TBC1D5: variants seen among roughly 807,000 people sequenced by gnomAD.
TBC1D5 encodes the protein TBC1 domain family member 5, also known as TBC1 domain family, member 5.
Under a neutral mutation model 100.3 loss-of-function variants are expected in TBC1D5, and 75 were observed. That is an observed-to-expected ratio of 0.75 (90% CI 0.62 to 0.91). TBC1D5 has a LOEUF of 0.91. Among genes scored for constraint, TBC1D5 ranks in the 40% least tolerant of loss-of-function variants. The pLI is 0.00. For missense variants in TBC1D5, 910 were observed against 942.4 expected (o/e 0.97, Z 0.45); for synonymous variants, 323 against 325.6 (o/e 0.99, Z 0.09).
intron 2 of TBC1D5, among the ~76,000 whole-genome samples, chr3:17,536,044 G>A (rs937382300): frequency 6.6e-6 from 1 of 152,114 alleles, no homozygotes; most frequent in African/African-American, 2.4e-5. Context: ...ACCACTAAAT[G>A]AAGATTTACT....
intron 3 of TBC1D5, among the ~76,000 whole-genome samples, chr3:17,489,056 GGT>G (rs1274967446): frequency 1.3e-5 from 2 of 151,398 alleles, no homozygotes; most frequent in Non-Finnish European, 2.9e-5. Context: ...GCCAGTCCCT[GGT>G]GCCAAAAACG....
chr3:17,682,228 C>T (rs1208669192), intron 1 of TBC1D5, among the ~76,000 whole-genome samples: 1 of 151,168 alleles, frequency 6.6e-6, no homozygotes, highest in Non-Finnish European at 1.5e-5. Context: ...AGGAGGACTG[C>T]TTGAGCCCAG....
At chr3:17,292,708 T>G (rs575757172) in intron 14 of TBC1D5, among the ~76,000 whole-genome samples, 24 of 152,308 alleles carry the variant, frequency 1.6e-4, no homozygotes, top group African/African-American at 3.4e-4. Context: ...CTTTACTTCT[T>G]GACAATCTTA....
At chr3:17,652,434 T>A (rs1270717272) in intron 1 of TBC1D5, among the ~76,000 whole-genome samples, 1 of 152,184 alleles carries the variant, frequency 6.6e-6, no homozygotes, top group Non-Finnish European at 1.5e-5. Context: ...AAACTGTTGT[T>A]CAGGTATTTA....
intron 15 of TBC1D5, among the ~76,000 whole-genome samples, chr3:17,265,769 C>T (rs1378969812): frequency 1.3e-5 from 2 of 151,960 alleles, no homozygotes; most frequent in African/African-American, 4.8e-5. Flanking sequence ...TGCCATGGCA[C>T]GCGTGAACTA....
At chr3:17,186,749 A>G (rs1236488898) in intron 18 of TBC1D5, among the ~76,000 whole-genome samples, 16 of 150,202 alleles carry the variant, frequency 1.1e-4, no homozygotes, top group South Asian at 4.2e-4. Flanking sequence ...AAAAAATTAA[A>G]AAAAGAAAAG....
intron 17 of TBC1D5, among the ~76,000 whole-genome samples, chr3:17,232,998 G>C (rs1054993081): frequency 6.6e-6 from 1 of 152,082 alleles, no homozygotes; most frequent in African/African-American, 2.4e-5. Context: ...CTAAAAGACT[G>C]CATAATAAAA....
intron 21 of TBC1D5, among the ~76,000 whole-genome samples, chr3:17,163,516 T>TAAGTC (rs2066293484): frequency 6.6e-6 from 1 of 152,202 alleles, no homozygotes; most frequent in African/African-American, 2.4e-5. Context: ...CCAATACAGG[T>TAAGTC]AAGTCTTACA....
intron 3 of TBC1D5, among the ~76,000 whole-genome samples, chr3:17,439,578 TAAAA>T (rs1464300482): frequency 2.0e-5 from 3 of 152,052 alleles, no homozygotes; most frequent in African/African-American, 7.2e-5. Context: ...TTCCTTCAAA[TAAAA>T]AAATTCCAAA....
intron 2 of TBC1D5, among the ~76,000 whole-genome samples, chr3:17,530,343 G>A (rs1560096033): frequency 6.6e-6 from 1 of 152,042 alleles, no homozygotes; most frequent in Non-Finnish European, 1.5e-5. Context: ...AATATCGATG[G>A]GGGGTTGGGG....
chr3:17,284,942 T>C (rs1349861379), intron 15 of TBC1D5, among the ~76,000 whole-genome samples: 2 of 151,834 alleles, frequency 1.3e-5, no homozygotes, highest in Non-Finnish European at 2.9e-5. Flanking sequence ...AAAGGAAATA[T>C]TAGTCACACA....
chr3:17,468,573 A>G, intron 3 of TBC1D5, among the ~76,000 whole-genome samples: 1 of 152,132 alleles, frequency 6.6e-6, no homozygotes, highest in Non-Finnish European at 1.5e-5. Context: ...TCCCTCTGTT[A>G]GAATGCAAGC....
chr3:17,537,253 G>A (rs2153409137), intron 2 of TBC1D5, among the ~76,000 whole-genome samples: 1 of 152,342 alleles, frequency 6.6e-6, no homozygotes, highest in East Asian at 1.9e-4. Flanking sequence ...AAAACCTAAT[G>A]AGAGATGTTA....
chr3:17,450,855 C>T (rs1460722043), intron 3 of TBC1D5, among the ~76,000 whole-genome samples: 1 of 152,136 alleles, frequency 6.6e-6, no homozygotes, highest in Non-Finnish European at 1.5e-5. Flanking sequence ...GCAAGACAGG[C>T]CAACATTCAA....
At chr3:17,718,727 ACT>A (rs1320786823) in intron 1 of TBC1D5, among the ~76,000 whole-genome samples, 2 of 152,102 alleles carry the variant, frequency 1.3e-5, no homozygotes, top group African/African-American at 4.8e-5. Context: ...CCAAACAGAA[ACT>A]CTGCACCAAT....
chr3:17,256,830 G>A (rs1664730930), intron 16 of TBC1D5, among the ~76,000 whole-genome samples: 2 of 152,178 alleles, frequency 1.3e-5, no homozygotes, highest in African/African-American at 4.8e-5. Flanking sequence ...GTGAAGACAG[G>A]CAGGAGGTTA....
chr3:17,678,314 A>G (rs1254694862), intron 1 of TBC1D5, among the ~76,000 whole-genome samples: 4 of 152,176 alleles, frequency 2.6e-5, no homozygotes, highest in African/African-American at 4.8e-5. Context: ...CAAGAGCTGC[A>G]TCTTGCAAAA....
At chr3:17,261,845 G>GTT (rs34656348) in intron 15 of TBC1D5, among the ~76,000 whole-genome samples, 14 of 143,344 alleles carry the variant, frequency 9.8e-5, no homozygotes, top group Non-Finnish European at 1.8e-4. Flanking sequence ...TCTTAAAGGA[G>GTT]TTTTTTTTTT....
intron 2 of TBC1D5, among the ~76,000 whole-genome samples, chr3:17,541,755 A>G (rs532211750): frequency 1.7e-4 from 26 of 152,238 alleles, no homozygotes; most frequent in African/African-American, 5.3e-4. Flanking sequence ...ACATCCTTCC[A>G]TTGTTCCTGG....
Sources: allele counts gnomAD v4.1 joint callset (sites outside exome capture counted in the v4.1 genomes callset), GRCh38; gene constraint gnomAD v4.1.1; transcripts MANE v1.5; gene names NCBI Gene and HGNC (gene_info 2026-07-23, HGNC 2026-07-21).